ADGRL3: variants seen among roughly 807,000 people sequenced by gnomAD.
The protein encoded by ADGRL3 is calcium-independent alpha-latrotoxin receptor 3.
In ADGRL3, 62 loss-of-function variants were observed where a neutral mutation model predicts 153.5. The ratio of observed to expected loss-of-function variants is 0.40; its 90% CI spans 0.33 to 0.50. The LOEUF is 0.50. Ranked by LOEUF, ADGRL3 falls within the 20% of genes least tolerant of loss-of-function variation. The pLI is 0.47. For synonymous variants in ADGRL3, 710 were observed against 672.5 expected (o/e 1.06, Z -0.86); for missense variants, 1,641 against 1,859.4 (o/e 0.88, Z 2.16).
intron 4 of ADGRL3, among the ~76,000 whole-genome samples, chr4:61,518,193 A>G (rs1263897049): frequency 6.6e-6 from 1 of 152,168 alleles, no homozygotes; most frequent in East Asian, 1.9e-4. Context: ...TTTACATAAT[A>G]TTTAGGCAAT....
intron 1 of ADGRL3, among the ~76,000 whole-genome samples, chr4:61,357,029 C>T (rs2096186747): frequency 6.6e-6 from 1 of 151,884 alleles, no homozygotes; most frequent in Non-Finnish European, 1.5e-5. Context: ...TGTGAAATGA[C>T]TCAACAAGTC....
chr4:61,468,648 A>G (rs1394059586), intron 2 of ADGRL3, among the ~76,000 whole-genome samples: 1 of 152,094 alleles, frequency 6.6e-6, no homozygotes, highest in African/African-American at 2.4e-5. Context: ...CTTGCCATAG[A>G]GGCTGGAAAA....
At position 61,211,106 on chromosome 4, in the gene ADGRL3, T is replaced by C. The variant is rs533059677; in HGVS notation, c.-240+9341T>C. On this transcript the variant is annotated intron_variant, in intron 1 of 26. Coordinates refer to ENST00000683033, the MANE Select transcript of ADGRL3 (RefSeq NM_001387552.1). The stretch of plus-strand genomic sequence containing the variant: ...AGTATCTAAGTTATATGTACTTCAA[T>C]TTAACTTAAAATATTTAATAGAATG... Among the ~76,000 whole-genome samples, 4 of 152,354 alleles carry C rather than the reference T, an allele frequency of 2.6e-5. No individual in the cohort carries two copies. The South Asian group carries it at 6.2e-4, about 24-fold the overall frequency.
intron 1 of ADGRL3, among the ~76,000 whole-genome samples, chr4:61,320,424 G>A (rs1459933482): frequency 6.6e-6 from 1 of 152,162 alleles, no homozygotes; most frequent in Non-Finnish European, 1.5e-5. Context: ...TTAAGGAACT[G>A]GCTCACATAA....
At chr4:61,296,962 C>T (rs73822601) in intron 1 of ADGRL3, among the ~76,000 whole-genome samples, 2 of 152,026 alleles carry the variant, frequency 1.3e-5, no homozygotes, top group East Asian at 1.9e-4. Context: ...TATTTGAAAA[C>T]GGTCACTATT....
intron 25 of ADGRL3, among the ~76,000 whole-genome samples, chr4:62,047,189 G>C (rs184750212): frequency 6.6e-6 from 1 of 150,852 alleles, no homozygotes; most frequent in Non-Finnish European, 1.5e-5. Flanking sequence ...TTCCTTTCTT[G>C]GTAAGTTAGA....
chr4:61,306,303 T>C (rs1433489300), intron 1 of ADGRL3, among the ~76,000 whole-genome samples: 2 of 151,982 alleles, frequency 1.3e-5, no homozygotes, highest in African/African-American at 4.8e-5. Flanking sequence ...TTTCACCGTG[T>C]TAGCCAGGAT....
chr4:61,338,247 G>A (rs897342313), intron 1 of ADGRL3, among the ~76,000 whole-genome samples: 1 of 151,642 alleles, frequency 6.6e-6, no homozygotes, highest in African/African-American at 2.4e-5. Flanking sequence ...CTCCAGCCTG[G>A]GAGTGATAAG....
intron 2 of ADGRL3, among the ~76,000 whole-genome samples, chr4:61,422,858 T>A (rs2097223019): frequency 1.3e-5 from 2 of 151,880 alleles, no homozygotes; most frequent in South Asian, 4.1e-4. Context: ...ATTAAGAATA[T>A]GTATGTGTAC....
intron 4 of ADGRL3, among the ~76,000 whole-genome samples, chr4:61,528,970 A>G (rs1445940261): frequency 6.6e-6 from 1 of 152,110 alleles, no homozygotes; most frequent in East Asian, 1.9e-4. Context: ...TACTAAGGCT[A>G]TCTGAGTTTT....
At chr4:61,492,325 A>G (rs1237469399) in intron 2 of ADGRL3, among the ~76,000 whole-genome samples, 1 of 152,196 alleles carries the variant, frequency 6.6e-6, no homozygotes, top group Non-Finnish European at 1.5e-5. Flanking sequence ...AAATTTAAAC[A>G]TTTATAAACA....
rs149472429 is a variant in ADGRL3, at chr4:61,726,210, G to GTTTTTTTTTTTTTTTTTGTTTTTT, written c.584-4406_584-4405insTTTTTTTTTTTGTTTTTTTTTTTT. Among the ~76,000 whole-genome samples, 3 of 118,480 alleles carry GTTTTTTTTTTTTTTTTTGTTTTTT rather than the reference G, an allele frequency of 2.5e-5. 1 individual carries two copies. Among genetic ancestry groups the GTTTTTTTTTTTTTTTTTGTTTTTT allele is most frequent in the East Asian group, 2.6e-4 (1 of 3,908 alleles). 77.7% of individuals were successfully genotyped at this position (118,480 alleles called of 152,430 possible). A position where few individuals can be genotyped will look rare whatever the true frequency, so the allele number is the denominator to read the frequency against. ...AATACTCACTGGAACTTTTTTTTTTGTTTTTTGAGAAGGAGTCTCACCCTG... is the reference window on the plus strand; with the variant it reads ...AATACTCACTGGAACTTTTTTTTTTGTTTTTTTTTTTTTTTTTGTTTTTTTTTTTTGAGAAGGAGTCTCACCCTG... On this transcript the variant is annotated intron_variant, in intron 6 of 26. Coordinates refer to ENST00000683033, the MANE Select transcript of ADGRL3 (RefSeq NM_001387552.1).
chr4:61,563,218 G>A lies in ADGRL3; in HGVS notation c.260-24009G>A, dbSNP rs77184002. ...TTGAACATCTCCATCGGAGCTCCTG[G>A]GTGACAGAATGCATTGTAAATAAGC... On this transcript the variant is annotated intron_variant, in intron 4 of 26. Transcript: ENST00000683033. Among the ~76,000 whole-genome samples the A allele has an allele frequency of 3.1e-4, 47 of 152,212 alleles. 2 individuals are homozygous for A. The East Asian group carries it at 8.1e-3, about 26-fold the overall frequency.
intron 9 of ADGRL3, among the ~76,000 whole-genome samples, chr4:61,880,262 C>A (rs1270676927): frequency 6.6e-6 from 1 of 152,104 alleles, no homozygotes; most frequent in Non-Finnish European, 1.5e-5. Flanking sequence ...GATTCCTGTT[C>A]TTTCTTTTAT....
intron 1 of ADGRL3, among the ~76,000 whole-genome samples, chr4:61,253,237 G>A (rs1029412691): frequency 6.6e-6 from 1 of 152,152 alleles, no homozygotes; most frequent in Non-Finnish European, 1.5e-5. Flanking sequence ...GCAAAGTTAT[G>A]TTAATGATTC....
At chr4:61,434,414 T>G (rs2097418104) in intron 2 of ADGRL3, among the ~76,000 whole-genome samples, 2 of 152,128 alleles carry the variant, frequency 1.3e-5, no homozygotes, top group Admixed American at 1.3e-4. Flanking sequence ...TGGATATGCA[T>G]GTATACATAT....
Position 61,719,643 on chromosome 4 carries a change from C to T in ADGRL3, c.584-10979C>T, listed in dbSNP as rs940179513. On this transcript the variant is annotated intron_variant, in intron 6 of 26. Coordinates refer to ENST00000683033, the MANE Select transcript of ADGRL3 (RefSeq NM_001387552.1). ...TTTAAGACAGAGTCTCACCCGGTCACCCAGGCTAGAGTGCAGTGGCCATGC... is the reference window on the plus strand; with the variant it reads ...TTTAAGACAGAGTCTCACCCGGTCATCCAGGCTAGAGTGCAGTGGCCATGC... 6.8e-4 allele frequency among the ~76,000 whole-genome samples: 101 copies of T among 148,610 alleles called. 1 individual carries two copies. The highest frequency in any genetic ancestry group is 2.4e-3 in the African/African-American group (96 of 40,060).
At chr4:61,537,763 T>C (rs2098665826) in intron 4 of ADGRL3, among the ~76,000 whole-genome samples, 1 of 152,210 alleles carries the variant, frequency 6.6e-6, no homozygotes, top group South Asian at 2.1e-4. Flanking sequence ...ACTATCACTA[T>C]ACTAAGATTG....
At chr4:61,715,492 C>T (rs146057012) in intron 6 of ADGRL3, among the ~76,000 whole-genome samples, 21 of 152,158 alleles carry the variant, frequency 1.4e-4, no homozygotes, top group African/African-American at 2.7e-4. Flanking sequence ...AAGCAACTTG[C>T]TTTTTCTTGT....
Sources: allele counts gnomAD v4.1 joint callset (sites outside exome capture counted in the v4.1 genomes callset), GRCh38; gene constraint gnomAD v4.1.1; transcripts MANE v1.5; gene names NCBI Gene and HGNC (gene_info 2026-07-23, HGNC 2026-07-21).